Variants in DDB1 observed in about 807,000 individuals in gnomAD.
The protein encoded by DDB1 is DNA damage-binding protein 1.
DDB1 carries 18 observed loss-of-function variants against 133.1 expected under a neutral mutation model. The ratio of observed to expected loss-of-function variants is 0.14; its 90% CI spans 0.09 to 0.20. DDB1 has a LOEUF of 0.20. Among genes scored for constraint, DDB1 ranks in the 10% least tolerant of loss-of-function variants. DDB1 has a pLI of 1.00. For synonymous variants in DDB1, 580 were observed against 550.5 expected (o/e 1.05, Z -0.75); for missense variants, 828 against 1,459.2 (o/e 0.57, Z 7.05).
At chr11:61,322,150 C>T (rs1856190640) in intron 9 of DDB1, 146 bp downstream of exon 9, 1 of 699,864 alleles carries the variant, frequency 1.4e-6, no homozygotes, top group South Asian at 1.8e-5. Context: ...ACTCAATAAA[C>T]AGTAGTTATC....
At chr11:61,310,009 A>G in intron 19 of DDB1, 49 bp from the exon 20 acceptor site, 1 of 1,611,456 alleles carries the variant, frequency 6.2e-7, no homozygotes, top group Non-Finnish European at 8.5e-7. Context: ...CCATATCTGC[A>G]CGCACACATA....
intron 21 of DDB1, 32 bp from the exon 22 acceptor site, chr11:61,304,067 G>A: frequency 6.2e-7 from 1 of 1,610,684 alleles, no homozygotes; most frequent in Non-Finnish European, 8.5e-7. Flanking sequence ...TCAGCCAAAG[G>A]GGCCAGAGCT....
intron 10 of DDB1, among the ~76,000 whole-genome samples, chr11:61,317,354 C>T (rs61364595): frequency 0.082 from 12,380 of 151,698 alleles, 1,533 homozygotes; most frequent in African/African-American, 0.27. Flanking sequence ...ACCTCGTGAT[C>T]CGCCACCTTG....
At chr11:61,321,801 A>T in intron 9 of DDB1, 104 bp from the exon 10 acceptor site, 1 of 996,090 alleles carries the variant, frequency 1.0e-6, no homozygotes, top group Non-Finnish European at 1.6e-6. Context: ...AAGAACCTTT[A>T]TTGTGGGGCT....
Position 61,316,322 on chromosome 11 carries a change from A to G in DDB1, c.1373T>C (p.Phe458Ser). Residue 458 changes from phenylalanine (F) to serine (S), a missense_variant, in exon 12 of 27, where the codon TTC becomes TCC. Physicochemically the swap from Phe to Ser is radical, Grantham distance 155. This residue lies in a region of DDB1 where 396 missense variants were observed against 554.1 expected (regional missense o/e 0.71). Coordinates refer to ENST00000301764, the MANE Select transcript of DDB1 (RefSeq NM_001923.5). Reference sequence around the variant, plus strand: ...CTGATGAGCCACGTTGCCACAGAAGAAAGTCTGCTGATCATCCACGAAACC... The same window carrying G: ...CTGATGAGCCACGTTGCCACAGAAGGAAGTCTGCTGATCATCCACGAAACC... ...LMGFVDDQQTFFCGNVAHQQL... is the reference protein window; with the variant it reads ...LMGFVDDQQTSFCGNVAHQQL... 1.2e-6 allele frequency: 2 copies of G among 1,614,180 alleles called. No individual in the cohort carries two copies. Among genetic ancestry groups the G allele is most frequent in the Non-Finnish European group, 1.7e-6 (2 of 1,180,030 alleles).
chr11:61,304,872 C>T (rs1297030455), intron 21 of DDB1, among the ~76,000 whole-genome samples: 13 of 148,756 alleles, frequency 8.7e-5, no homozygotes, highest in Admixed American at 7.3e-4. Context: ...AGTGAGACTC[C>T]GCCTAAAAAA....
chr11:61,321,934 A>G, intron 9 of DDB1: 1 of 555,318 alleles, frequency 1.8e-6, no homozygotes, highest in South Asian at 2.5e-5. Context: ...AAGCTTGCTT[A>G]GATCGCTGGG....
chr11:61,331,397 T>C (rs1856364604), intron 2 of DDB1, 146 bp downstream of exon 2: 2 of 1,066,474 alleles, frequency 1.9e-6, no homozygotes, highest in Non-Finnish European at 2.7e-6. Context: ...AGTGGAGGGA[T>C]TGCTTGAGCT....
chr11:61,314,176 C>G lies in DDB1; in HGVS notation c.1624G>C (p.Asp542His). 6.2e-7 allele frequency: 1 copy of G among 1,609,826 alleles called. No individual in the cohort carries two copies. The highest frequency in any genetic ancestry group is 8.5e-7 in the Non-Finnish European group (1 of 1,177,948). Residue 542 changes from aspartate (D) to histidine (H), a missense_variant, in exon 14 of 27, where the codon GAC (aspartate) becomes CAC (histidine). Around this residue, in one of 7 missense-constraint regions of DDB1, gnomAD observed 396 missense variants for 554.1 expected, o/e 0.71. Transcript: ENST00000301764. ...TTGCTGTCTCCTAATGGGGTGATGT[C>G]CAAGCAAGCCACTTCATGTTCCATC... ...TEMEHEVACLDITPLGDSNGL... is the reference protein window; with the variant it reads ...TEMEHEVACLHITPLGDSNGL...
At chr11:61,322,935 T>C (rs1439019668) in intron 8 of DDB1, 76 bp downstream of exon 8, 5 of 1,204,464 alleles carry the variant, frequency 4.2e-6, no homozygotes, top group Non-Finnish European at 5.9e-6. Context: ...TTCTGAGAGG[T>C]GCCAAACATA....
In DDB1 at chr11:61,300,185, G is replaced by C; in HGVS notation, c.3374C>G (p.Thr1125Ser). The change falls in exon 27 of 27, where the codon ACT becomes AGT. Residue 1125 changes from threonine to serine, a missense_variant. This residue lies in a region of DDB1 where 116 missense variants were observed against 221.6 expected (regional missense o/e 0.52). Coordinates refer to ENST00000301764, the MANE Select transcript of DDB1 (RefSeq NM_001923.5). ...CACAACCTTGATGAGGTCGTCTGCA[G>C]TGGCCTCTCGCTTCATACCGCTGCC... ...DDGSGMKREATADDLIKVVEE... is the reference protein window; with the variant it reads ...DDGSGMKREASADDLIKVVEE... 6.2e-7 allele frequency: 1 copy of C among 1,614,206 alleles called. No individual in the cohort carries two copies. Among genetic ancestry groups the C allele is most frequent in the Non-Finnish European group, 8.5e-7 (1 of 1,180,040 alleles).
chr11:61,322,084 G>A (rs1434824177), intron 9 of DDB1: 2 of 577,416 alleles, frequency 3.5e-6, no homozygotes, highest in South Asian at 2.4e-5. Context: ...CCCTATCTAG[G>A]GTACTTGTGT....
intron 9 of DDB1, chr11:61,322,000 G>A (rs1238595471): frequency 1.9e-6 from 1 of 536,482 alleles, no homozygotes; most frequent in Non-Finnish European, 3.3e-6. Context: ...CACTTATTAA[G>A]TTAGGTGACT....
intron 1 of DDB1, 149 bp downstream of exon 1, chr11:61,332,759 G>A: frequency 3.4e-6 from 2 of 585,128 alleles, no homozygotes; most frequent in South Asian, 3.8e-5. Context: ...TTTCGAGGTC[G>A]CGGTGCTGGG....
chr11:61,313,919 G>C lies in DDB1; in HGVS notation c.1804C>G (p.Leu602Val). The C allele has an allele frequency of 6.2e-7, 1 of 1,614,174 alleles. No homozygotes were observed. Among genetic ancestry groups the C allele is most frequent in the Non-Finnish European group, 8.5e-7 (1 of 1,180,042 alleles). Residue 602 changes from leucine to valine, a missense_variant, in exon 15 of 27, where the codon CTC becomes GTC. Around this residue, in one of 7 missense-constraint regions of DDB1, gnomAD observed 396 missense variants for 554.1 expected, o/e 0.71. Transcript: ENST00000301764. ...LMTTFESSHY[L>V]LCALGDGALF... The stretch of plus-strand genomic sequence containing the variant: ...GCTCCATCTCCCAAGGCACAAAGGA[G>C]GTAATGGCTACTCTCAAAGGTGGTC...
chr11:61,317,206 C>T (rs1184298608), intron 10 of DDB1, among the ~76,000 whole-genome samples: 1 of 151,790 alleles, frequency 6.6e-6, no homozygotes, highest in Non-Finnish European at 1.5e-5. Context: ...CTCCACCTCC[C>T]GGGTTCACAC....
At chr11:61,322,821 A>C (rs927180852) in intron 8 of DDB1, 190 bp downstream of exon 8, 1 of 596,370 alleles carries the variant, frequency 1.7e-6, no homozygotes, top group African/African-American at 1.9e-5. Context: ...CTTGCCTGGC[A>C]AATTTGCTGA....
rs535116395 is a variant in DDB1 at position 61,322,007 on chromosome 11, G to A, written c.1122+289C>T. On this transcript the variant is annotated intron_variant, in intron 9 of 26. Coordinates refer to ENST00000301764, the MANE Select transcript of DDB1 (RefSeq NM_001923.5). Reference sequence around the variant, plus strand: ...ACACCTGCCACTTATTAAGTTAGGTGACTTTGGAAAAAGTTACTTAATCTT... The same window carrying A: ...ACACCTGCCACTTATTAAGTTAGGTAACTTTGGAAAAAGTTACTTAATCTT... The A allele has an allele frequency of 4.6e-4, 249 of 536,818 alleles. 1 individual carries two copies. Among genetic ancestry groups the A allele is most frequent in the African/African-American group, 3.6e-3 (192 of 53,194 alleles). 33.3% of individuals were successfully genotyped at this position (536,818 alleles called of 1,614,324 possible).
chr11:61,323,760 T>C (rs1856223730), intron 7 of DDB1: 2 of 540,046 alleles, frequency 3.7e-6, no homozygotes, highest in Non-Finnish European at 3.3e-6. Context: ...TTTCCCTTTC[T>C]TTTCCTTTTC....
Sources: gnomAD v4.1 joint callset for allele counts (sites outside exome capture counted in the v4.1 genomes callset) on GRCh38, gnomAD v4.1.1 for gene constraint, gnomAD v4.1.1 regional missense constraint, MANE v1.5 for transcripts, NCBI Gene and HGNC (gene_info 2026-07-23, HGNC 2026-07-21) for gene names.